The following ELOVL6 variants were observed in gnomAD, a reference collection of about 807,000 sequenced individuals.
The protein encoded by ELOVL6 is ELOVL fatty acid elongase 6, also known as very long chain fatty acid elongase 6.
Under a neutral mutation model 31.7 loss-of-function variants are expected in ELOVL6, and 8 were observed. The observed-to-expected ratio is 0.25, with a 90% confidence interval of 0.15 to 0.45. ELOVL6 has a LOEUF of 0.45. Among genes scored for constraint, ELOVL6 ranks in the 20% least tolerant of loss-of-function variants. ELOVL6 has a pLI of 1.00. For synonymous variants in ELOVL6, 101 were observed against 117.7 expected, an observed-to-expected ratio of 0.86 and a Z score of 0.92; for missense variants, 126 against 326.4, an observed-to-expected ratio of 0.39 and a Z score of 4.73.
chr4:110,101,911 T>C (rs571961873), intron 2 of ELOVL6, among the ~76,000 whole-genome samples: 1 of 152,256 alleles, frequency 6.6e-6, no homozygotes, highest in East Asian at 1.9e-4. Context: ...TAATAAATCA[T>C]AGGAATTTAA....
At position 110,051,328 on chromosome 4, in the gene ELOVL6, A is replaced by C. The variant is rs1754831593; in HGVS notation, c.*10T>G. ...GACCCTGAGCTATGGCTTCCTCCTC[A>C]GTTCCAACACTATTCAGCTTTCGTT... On this transcript the variant is annotated 3_prime_UTR_variant, in exon 4 of 4. Coordinates refer to ENST00000302274, the MANE Select transcript of ELOVL6 (RefSeq NM_024090.3). This position sits in a 1 kb window ranked among gnomAD's most constrained non-coding sequence, Gnocchi z 4.8. 5.0e-6 allele frequency: 8 copies of C among 1,610,328 alleles called. No individual in the cohort carries two copies. The highest frequency in any genetic ancestry group is 6.8e-6 in the Non-Finnish European group (8 of 1,177,484).
At position 110,194,025 on chromosome 4, in the gene ELOVL6, C is replaced by G. The variant is rs1578294647; in HGVS notation, c.89+4222G>C. ...ATTGGCTAGACAATTACAACTGGAG[C>G]AACTAGCATCCACTGCTGTTAGCAC... On this transcript the variant is annotated intron_variant, in intron 1 of 3. Transcript: ENST00000302274. Among the ~76,000 whole-genome samples the G allele has an allele frequency of 2.0e-5, 3 of 152,166 alleles. No individual in the cohort carries two copies. In the South Asian group the frequency reaches 6.2e-4, roughly 32 times the overall value.
At chr4:110,159,122 A>G (rs1375467148) in intron 1 of ELOVL6, among the ~76,000 whole-genome samples, 1 of 152,172 alleles carries the variant, frequency 6.6e-6, no homozygotes, top group Non-Finnish European at 1.5e-5. Context: ...TAAAACTGAG[A>G]CAATAATTAT....
In ELOVL6 at chr4:110,084,425, A is replaced by ACATATATCATATATGATATATCG. The variant is rs1224319573; in HGVS notation, c.221+21049_221+21071dup. On this transcript the variant is annotated intron_variant, in intron 2 of 3. Transcript: ENST00000302274. ...TGATATATGACATACATGATATATC[A>ACATATATCATATATGATATATCG]CATATATCATATATGATATATCGCA... 2.0e-3 allele frequency among the ~76,000 whole-genome samples: 125 copies of ACATATATCATATATGATATATCG among 63,614 alleles called. 8 individuals are homozygous for ACATATATCATATATGATATATCG. Among genetic ancestry groups the ACATATATCATATATGATATATCG allele is most frequent in the Admixed American group, 4.3e-3 (25 of 5,762 alleles). 41.7% of individuals were successfully genotyped at this position (63,614 alleles called of 152,430 possible).
intron 2 of ELOVL6, among the ~76,000 whole-genome samples, chr4:110,082,318 A>T (rs1410611493): frequency 6.6e-6 from 1 of 152,070 alleles, no homozygotes; most frequent in East Asian, 1.9e-4. Context: ...GGCACTATTC[A>T]CAATAGCAAA....
chr4:110,090,596 C>CTTCCTTTTTTT (rs1206850406), intron 2 of ELOVL6, among the ~76,000 whole-genome samples: 3 of 82,554 alleles, frequency 3.6e-5, no homozygotes, highest in African/African-American at 1.5e-4. Context: ...GAAAGTTTGA[C>CTTCCTTTTTTT]TTTCTTTTTT....
intron 1 of ELOVL6, among the ~76,000 whole-genome samples, chr4:110,110,401 ATTTTTTTTT>A (rs397878146): frequency 3.6e-5 from 4 of 109,776 alleles, no homozygotes; most frequent in Non-Finnish European, 5.2e-5. Flanking sequence ...TTTTCCGCAG[ATTTTTTTTT>A]TTTTTTTTTT....
At chr4:110,094,078 C>T (rs1472798904) in intron 2 of ELOVL6, among the ~76,000 whole-genome samples, 3 of 151,442 alleles carry the variant, frequency 2.0e-5, no homozygotes, top group South Asian at 2.1e-4. Context: ...GGCAAAAGCC[C>T]GTCTCTACCA....
At chr4:110,073,020 T>A (rs1023220671) in intron 2 of ELOVL6, among the ~76,000 whole-genome samples, 1 of 152,190 alleles carries the variant, frequency 6.6e-6, no homozygotes, top group Non-Finnish European at 1.5e-5. Context: ...AAAAATTAAC[T>A]CTGTGGTTTG....
chr4:110,183,179 C>T (rs969842507), intron 1 of ELOVL6, among the ~76,000 whole-genome samples: 1 of 152,194 alleles, frequency 6.6e-6, no homozygotes, highest in Non-Finnish European at 1.5e-5. Context: ...CGGGCAGTCA[C>T]GTATGAGACT....
intron 1 of ELOVL6, among the ~76,000 whole-genome samples, chr4:110,188,250 T>C (rs1032503969): frequency 6.6e-5 from 10 of 152,192 alleles, no homozygotes; most frequent in Admixed American, 6.5e-4. Context: ...CAAAGCTTTA[T>C]TCTGGCCTTA....
chr4:110,155,068 A>G (rs1758376257), intron 1 of ELOVL6, among the ~76,000 whole-genome samples: 1 of 152,214 alleles, frequency 6.6e-6, no homozygotes, highest in Non-Finnish European at 1.5e-5. Flanking sequence ...TCTACATAGC[A>G]TATACTGCTA....
intron 1 of ELOVL6, among the ~76,000 whole-genome samples, chr4:110,187,052 CT>C (rs1759471158): frequency 6.6e-6 from 1 of 151,232 alleles, no homozygotes; most frequent in Non-Finnish European, 1.5e-5. Flanking sequence ...CAATCCTTAT[CT>C]TCACTCATTT....
At chr4:110,118,953 C>T (rs550454121) in intron 1 of ELOVL6, among the ~76,000 whole-genome samples, 1 of 152,150 alleles carries the variant, frequency 6.6e-6, no homozygotes, top group African/African-American at 2.4e-5. Flanking sequence ...CCCAGCTACT[C>T]GAGAGGCAGA....
At chr4:110,084,408 G>GATATATCAC (rs1756128215) in intron 2 of ELOVL6, among the ~76,000 whole-genome samples, 3 of 27,404 alleles carry the variant, frequency 1.1e-4, no homozygotes, top group South Asian at 1.0e-3. Context: ...TATGATATAT[G>GATATATCAC]ACATACATGA....
chr4:110,153,036 T>A (rs78249446), intron 1 of ELOVL6, among the ~76,000 whole-genome samples: 1,648 of 152,256 alleles, frequency 0.011, 25 homozygotes, highest in African/African-American at 0.038. Flanking sequence ...CCACTTCTTT[T>A]TGATGTGCCT....
At chr4:110,091,728 C>A (rs748488304) in intron 2 of ELOVL6, among the ~76,000 whole-genome samples, 11 of 151,464 alleles carry the variant, frequency 7.3e-5, no homozygotes, top group Non-Finnish European at 1.3e-4. Flanking sequence ...CAATGGTGCT[C>A]ATCCACATCT....
At chr4:110,136,268 ACTT>A (rs943156091) in intron 1 of ELOVL6, among the ~76,000 whole-genome samples, 7 of 152,312 alleles carry the variant, frequency 4.6e-5, no homozygotes, top group Admixed American at 3.9e-4. Context: ...TAAACATAAT[ACTT>A]CAAGCTTCAG....
intron 1 of ELOVL6, among the ~76,000 whole-genome samples, chr4:110,196,569 C>T (rs1006379700): frequency 8.5e-5 from 13 of 152,374 alleles, no homozygotes; most frequent in African/African-American, 2.9e-4. Context: ...TGTCCAACCT[C>T]CTTCCGGACC....
Sources: allele counts gnomAD v4.1 joint callset (sites outside exome capture counted in the v4.1 genomes callset), GRCh38; gene constraint gnomAD v4.1.1; non-coding constraint Gnocchi (gnomAD v3.1); transcripts MANE v1.5; gene names NCBI Gene and HGNC (gene_info 2026-07-23, HGNC 2026-07-21).